GIGYF2: variants seen among roughly 807,000 people sequenced by gnomAD.
GIGYF2 encodes GRB10-interacting GYF protein 2.
Under a neutral mutation model 208.1 loss-of-function variants are expected in GIGYF2, and 25 were observed. The observed-to-expected ratio is 0.12, with a 90% CI of 0.09 to 0.17. The LOEUF (loss-of-function observed/expected upper bound fraction) is 0.17, where lower values mean the gene tolerates loss of function less well. Among genes scored for constraint, GIGYF2 ranks in the 10% least tolerant of loss-of-function variants. GIGYF2 has a pLI of 1.00. For missense variants in GIGYF2, 1,302 were observed against 1,579.4 expected (o/e 0.82, Z 2.98); for synonymous variants, 534 against 543.8 (o/e 0.98, Z 0.25).
intron 13 of GIGYF2, among the ~76,000 whole-genome samples, chr2:232,795,469 CGA>C (rs1225727508): frequency 1.3e-5 from 2 of 152,056 alleles, no homozygotes; most frequent in Non-Finnish European, 2.9e-5. Flanking sequence ...AAGGAAAAAG[CGA>C]GATAGTGTCT....
At chr2:232,780,222 G>A (rs1050535118) in intron 8 of GIGYF2, among the ~76,000 whole-genome samples, 22 of 152,116 alleles carry the variant, frequency 1.4e-4, no homozygotes, top group Non-Finnish European at 2.6e-4. Flanking sequence ...TTCTCCTTAG[G>A]AAGTCCACTC....
chr2:232,722,985 ATTT>A (rs975227455), intron 2 of GIGYF2, among the ~76,000 whole-genome samples: 3 of 151,828 alleles, frequency 2.0e-5, no homozygotes, highest in African/African-American at 7.3e-5. Flanking sequence ...TTTTAAAATT[ATTT>A]TTTATGTAAG....
rs546341914 is a variant in GIGYF2 at position 232,799,594 on chromosome 2, G to A, written c.1639+3373G>A. 2.2e-3 allele frequency among the ~76,000 whole-genome samples: 336 copies of A among 151,144 alleles called. 2 individuals carry two copies. The highest frequency in any genetic ancestry group is 4.1e-3 in the Admixed American group (63 of 15,182). On this transcript the variant is annotated intron_variant, in intron 14 of 28. Coordinates refer to ENST00000373563, the MANE Select transcript of GIGYF2 (RefSeq NM_001103146.3). ...ATAATAATAATAATAATACTGCTTT[G>A]AACATGAAGGTACAACTATCTCTTT...
Position 232,847,525 on chromosome 2 carries a change from A to T in GIGYF2, c.3638A>T (p.Gln1213Leu), listed in dbSNP as rs200557434. 6.2e-7 allele frequency: 1 copy of T among 1,606,278 alleles called. No homozygotes were observed. The highest frequency in any genetic ancestry group is 8.5e-7 in the Non-Finnish European group (1 of 1,176,070). Residue 1213 changes from glutamine (Q) to leucine (L), a missense_variant, in exon 27 of 29, where the codon CAG (glutamine) becomes CTG (leucine). Physicochemically the swap from Gln to Leu is moderately radical, Grantham distance 113. Coordinates refer to ENST00000373563, the MANE Select transcript of GIGYF2 (RefSeq NM_001103146.3). ...CAGCAGCAGCAGCTGCCACAGCAGC[A>T]GCAGCAGCAGCCGCCACAGCAGCCG... ...QRQQQQLPQQ[Q>L]QQQPPQQPPQ...
chr2:232,792,318 T>C (rs1474578879), intron 12 of GIGYF2, among the ~76,000 whole-genome samples: 1 of 152,200 alleles, frequency 6.6e-6, no homozygotes, highest in Non-Finnish European at 1.5e-5. Flanking sequence ...ATTTCTAACA[T>C]AGCATTATAA....
chr2:232,797,489 T>TTG (rs67221198), intron 14 of GIGYF2, among the ~76,000 whole-genome samples: 16,795 of 144,776 alleles, frequency 0.12, 1,057 homozygotes, highest in East Asian at 0.25. Context: ...AGAGCAGGGC[T>TTG]TGTGTGTGTG....
chr2:232,753,987 A>G (rs1172973894), intron 5 of GIGYF2, among the ~76,000 whole-genome samples: 1 of 152,042 alleles, frequency 6.6e-6, no homozygotes, highest in Admixed American at 6.5e-5. Flanking sequence ...AACACTGTGA[A>G]ACCCCATTTC....
intron 8 of GIGYF2, among the ~76,000 whole-genome samples, chr2:232,783,684 GTTTT>G (rs1442916368): frequency 7.4e-6 from 1 of 136,054 alleles, no homozygotes; most frequent in East Asian, 2.2e-4. Context: ...AGATCTAGGT[GTTTT>G]TTTGTTTGTT....
At chr2:232,855,118 A>T (rs1690510725) in intron 28 of GIGYF2, among the ~76,000 whole-genome samples, 1 of 119,186 alleles carries the variant, frequency 8.4e-6, no homozygotes, top group Non-Finnish European at 1.6e-5. Flanking sequence ...ACAAGGTCTC[A>T]CTCTGTTGCC....
At chr2:232,767,531 C>G (rs1313045238) in intron 8 of GIGYF2, 1 of 152,828 alleles carries the variant, frequency 6.5e-6, no homozygotes, top group African/African-American at 2.4e-5. Context: ...CTTATCTGAT[C>G]ACCTTCTGCC....
intron 2 of GIGYF2, among the ~76,000 whole-genome samples, chr2:232,707,261 G>C (rs1414312140): frequency 6.6e-6 from 1 of 152,290 alleles, no homozygotes; most frequent in East Asian, 1.9e-4. Context: ...TCCTGGGCCA[G>C]GAGGAAGTCT....
chr2:232,704,856 A>ATTTT (rs10689292), intron 2 of GIGYF2, among the ~76,000 whole-genome samples: 37,742 of 100,442 alleles, frequency 0.38, 8,837 homozygotes, highest in South Asian at 0.66. Context: ...TAACTTCTGG[A>ATTTT]TTTTTTTTTT....
At chr2:232,833,600 G>A (rs1701491409) in intron 22 of GIGYF2, among the ~76,000 whole-genome samples, 1 of 152,224 alleles carries the variant, frequency 6.6e-6, no homozygotes, top group Admixed American at 6.5e-5. Flanking sequence ...AGCAATGCAG[G>A]CAAAACAAGT....
chr2:232,828,287 CCTTA>C (rs1287689435), intron 21 of GIGYF2, among the ~76,000 whole-genome samples: 1 of 152,078 alleles, frequency 6.6e-6, no homozygotes, highest in Non-Finnish European at 1.5e-5. Flanking sequence ...GTGCCTAGCC[CCTTA>C]CTTATATTTA....
chr2:232,780,054 TGCTTGTGGA>T (rs918786356), intron 8 of GIGYF2, among the ~76,000 whole-genome samples: 27 of 152,322 alleles, frequency 1.8e-4, no homozygotes, highest in African/African-American at 4.8e-4. Context: ...ATTCCACTTT[TGCTTGTGGA>T]GCTTGTGGAG....
Position 232,858,264 on chromosome 2 carries a change from G to A in GIGYF2, c.*1404G>A. The A allele has an allele frequency of 5.8e-6, 2 of 344,492 alleles. No homozygotes were observed. The highest frequency in any genetic ancestry group is 1.1e-5 in the Non-Finnish European group (2 of 179,056). The allele number at this position is 344,492 out of a possible 1,614,324, so 21.3% of individuals were successfully genotyped here. A position where few individuals can be genotyped will look rare whatever the true frequency, so the allele number is the denominator to read the frequency against. On this transcript the variant is annotated 3_prime_UTR_variant, in exon 29 of 29. Transcript: ENST00000373563. ...AGCACCTTTGCTGCCTGTCATTGTTGCCTGAAGAAGGCTGGAGTTGCTCTG... is the reference window on the plus strand; with the variant it reads ...AGCACCTTTGCTGCCTGTCATTGTTACCTGAAGAAGGCTGGAGTTGCTCTG...
chr2:232,773,312 T>C (rs1459174947), intron 8 of GIGYF2, among the ~76,000 whole-genome samples: 1 of 152,198 alleles, frequency 6.6e-6, no homozygotes, highest in Non-Finnish European at 1.5e-5. Flanking sequence ...TACTGTATTA[T>C]CTCTTAATTC....
chr2:232,852,112 G>A (rs1031602093), intron 28 of GIGYF2, among the ~76,000 whole-genome samples: 10 of 152,236 alleles, frequency 6.6e-5, no homozygotes, highest in African/African-American at 2.2e-4. Flanking sequence ...ACATCATGAA[G>A]AGCGTGAGAC....
chr2:232,823,628 T>C (rs982330700), intron 21 of GIGYF2, among the ~76,000 whole-genome samples: 1 of 152,176 alleles, frequency 6.6e-6, no homozygotes, highest in Non-Finnish European at 1.5e-5. Context: ...GTGGTGGGAT[T>C]ACAGGAGTGA....
Sources: gnomAD v4.1 joint callset for allele counts (sites outside exome capture counted in the v4.1 genomes callset) on GRCh38, gnomAD v4.1.1 for gene constraint, MANE v1.5 for transcripts, NCBI Gene and HGNC (gene_info 2026-07-23, HGNC 2026-07-21) for gene names.